The following SETD2 variants were observed in gnomAD, a reference collection of about 807,000 sequenced individuals.
The protein encoded by SETD2 is SET domain containing 2, histone lysine methyltransferase.
SETD2 carries 31 observed loss-of-function variants against 242.1 expected under a neutral mutation model. The ratio of observed to expected loss-of-function variants is 0.13; its 90% confidence interval spans 0.10 to 0.17. The LOEUF is 0.17. Ranked by LOEUF, SETD2 falls within the 10% of genes least tolerant of loss-of-function variation. The probability of loss-of-function intolerance (pLI) is 1.00; values close to 1 mark genes in which losing one functional copy is unlikely to be tolerated. For missense variants in SETD2, 2,481 were observed against 3,046.3 expected, an observed-to-expected ratio of 0.81 and a Z score of 4.37; for synonymous variants, 1,006 against 1,066.5, an observed-to-expected ratio of 0.94 and a Z score of 1.11.
intron 5 of SETD2, among the ~76,000 whole-genome samples, chr3:47,111,487 T>C (rs995627556): frequency 7.9e-5 from 12 of 152,070 alleles, no homozygotes; most frequent in African/African-American, 2.9e-4. Flanking sequence ...GGAGGATAAA[T>C]TGAGCCTGGG....
chr3:47,100,977 T>C (rs1226456949), intron 8 of SETD2, among the ~76,000 whole-genome samples: 1 of 123,348 alleles, frequency 8.1e-6, no homozygotes, highest in African/African-American at 3.2e-5. Flanking sequence ...GCCACTGCAC[T>C]CTAGCCTGGG....
chr3:47,041,609 G>A (rs1441090545), intron 17 of SETD2, among the ~76,000 whole-genome samples: 4 of 152,044 alleles, frequency 2.6e-5, no homozygotes, highest in Middle Eastern at 3.4e-3. Context: ...AACAATTTAC[G>A]TAAGATTATA....
intron 12 of SETD2, among the ~76,000 whole-genome samples, chr3:47,074,589 C>T (rs1273912407): frequency 6.6e-6 from 1 of 152,128 alleles, no homozygotes; most frequent in African/African-American, 2.4e-5. Context: ...CTTGGTCCCC[C>T]AACCACCTTC....
At chr3:47,152,127 C>T (rs2044000143) in intron 1 of SETD2, among the ~76,000 whole-genome samples, 1 of 152,072 alleles carries the variant, frequency 6.6e-6, no homozygotes, top group African/African-American at 2.4e-5. Context: ...GTTTTTGTTC[C>T]TCAATAGACA....
At chr3:47,106,509 A>AGGC (rs1186216220) in intron 5 of SETD2, among the ~76,000 whole-genome samples, 1 of 134,100 alleles carries the variant, frequency 7.5e-6, no homozygotes, top group East Asian at 2.6e-4. Context: ...AAAAAAAAAA[A>AGGC]AAAAAAAAAA....
chr3:47,045,924 G>A (rs991447623), intron 16 of SETD2, among the ~76,000 whole-genome samples: 1 of 150,636 alleles, frequency 6.6e-6, no homozygotes, highest in African/African-American at 2.4e-5. Context: ...TACAGGTGCG[G>A]AGCAAAATAT....
intron 18 of SETD2, among the ~76,000 whole-genome samples, chr3:47,035,721 T>C (rs1461416963): frequency 6.6e-6 from 1 of 152,222 alleles, no homozygotes; most frequent in African/African-American, 2.4e-5. Context: ...ACATGCTTTA[T>C]AAACTTGGCC....
At chr3:47,037,059 CTTTTTTTTTTTTTTTT>C (rs10536067) in intron 18 of SETD2, among the ~76,000 whole-genome samples, 1 of 71,732 alleles carries the variant, frequency 1.4e-5, no homozygotes, top group South Asian at 7.0e-4. Context: ...AAAGGCCATT[CTTTTTTTTTTTTTTTT>C]TTTTTTTTTT....
intron 1 of SETD2, among the ~76,000 whole-genome samples, chr3:47,148,942 C>T (rs533997775): frequency 1.3e-5 from 2 of 152,274 alleles, no homozygotes; most frequent in African/African-American, 2.4e-5. Flanking sequence ...GACAGAAAAA[C>T]GGGCAGATCT....
rs1170321784 is a variant in SETD2, at chr3:47,124,542, T to C, written c.94A>G (p.Ile32Val). The C allele has an allele frequency of 7.1e-6, 11 of 1,539,504 alleles. No homozygotes were observed. The highest frequency in any genetic ancestry group is 9.7e-6 in the Non-Finnish European group (11 of 1,139,794). ...TPEEEENEAK[I>V]ENVQKTGFIK... ...AAACCTGTTTTCTGCACATTTTCAA[T>C]CTTTGCCTACAAATGAACAAAATAA... Residue 32 changes from isoleucine to valine, a missense_variant, in exon 3 of 21, where the codon ATT becomes GTT. Physicochemically the swap from Ile to Val is conservative, Grantham distance 29 (BLOSUM62 3). Transcript: ENST00000409792.
chr3:47,114,147 C>G (rs1242332707), intron 4 of SETD2, 143 bp from the exon 5 acceptor site: 8 of 741,304 alleles, frequency 1.1e-5, no homozygotes, highest in Non-Finnish European at 1.5e-5. Flanking sequence ...CCAACTAAGT[C>G]TTCCTTTCCT....
At position 47,132,661 on chromosome 3, in the gene SETD2, T is replaced by C. The variant is rs528126199; in HGVS notation, c.72-5998A>G. 1.9e-4 allele frequency among the ~76,000 whole-genome samples: 16 copies of C among 85,564 alleles called. 1 individual carries two copies. In the East Asian group the frequency reaches 5.7e-3, roughly 30 times the overall value. The allele number at this position is 85,564 out of a possible 152,430, so 56.1% of individuals were successfully genotyped here. On this transcript the variant is annotated intron_variant, in intron 1 of 20. Transcript: ENST00000409792. Reference sequence around the variant, plus strand: ...GTCTCACTCCAGACCTTCTACTGAATTTCGTAACTACAAATCAGAAATAGC... The same window carrying C: ...GTCTCACTCCAGACCTTCTACTGAACTTCGTAACTACAAATCAGAAATAGC...
At chr3:47,156,602 T>C (rs1559771080) in intron 1 of SETD2, among the ~76,000 whole-genome samples, 2 of 152,198 alleles carry the variant, frequency 1.3e-5, no homozygotes, top group Non-Finnish European at 2.9e-5. Flanking sequence ...AGGCTTTCCA[T>C]ACTTACCAGC....
At position 47,017,546 on chromosome 3, in the gene SETD2, A is replaced by T; in HGVS notation, c.7533+92T>A. ...AGCTCTGACATCTGACAAGAAAAAA[A>T]AAAATACTTTCTATGATGAAAAGGG... On this transcript the variant is annotated intron_variant, in intron 20 of 20. Coordinates refer to ENST00000409792, the MANE Select transcript of SETD2 (RefSeq NM_014159.7). The surrounding 1 kb of genome is among the most constrained non-coding windows in gnomAD (Gnocchi z 4.8). 9.6e-7 allele frequency: 1 copy of T among 1,036,976 alleles called. No homozygotes were observed. The highest frequency in any genetic ancestry group is 1.6e-5 in the African/African-American group (1 of 62,508). 64.2% of individuals were successfully genotyped at this position (1,036,976 alleles called of 1,614,324 possible). A position where few individuals can be genotyped will look rare whatever the true frequency, so the allele number is the denominator to read the frequency against.
At chr3:47,037,887 A>G (rs2039090712) in intron 17 of SETD2, 110 bp from the exon 18 acceptor site, 4 of 770,558 alleles carry the variant, frequency 5.2e-6, no homozygotes, top group Admixed American at 2.1e-5. Context: ...AAGACATAGA[A>G]TAAGTCAGCT....
chr3:47,071,733 A>G (rs1217803817), intron 12 of SETD2, among the ~76,000 whole-genome samples: 2 of 152,164 alleles, frequency 1.3e-5, no homozygotes, highest in Non-Finnish European at 2.9e-5. Context: ...TCGAAATAGT[A>G]TGTTCCATAT....
rs2106705253 is a variant in SETD2, at chr3:47,123,498, A to G, written c.1138T>C (p.Tyr380His). 1 of 1,551,158 alleles carries G rather than the reference A, an allele frequency of 6.4e-7. No homozygotes were observed. The highest frequency in any genetic ancestry group is 1.2e-5 in the South Asian group (1 of 84,046). The stretch of plus-strand genomic sequence containing the variant: ...CGAGTATCTCTTTCAAGTTTTGAAT[A>G]GCTAAAATATTTATCATCTCTGTCT... Reference protein sequence around the residue: ...KTDRDDKYFSYSKLERDTRYV... With the variant: ...KTDRDDKYFSHSKLERDTRYV... The change falls in exon 3 of 21, where the codon TAT becomes CAT. Residue 380 changes from tyrosine to histidine, a missense_variant. Physicochemically the swap from Tyr to His is moderately conservative, Grantham distance 83. This residue lies in a region of SETD2 where 1,300 missense variants were observed against 1,259.2 expected (regional missense o/e 1.03). Transcript: ENST00000409792.
chr3:47,023,227 C>T (rs1437047849), intron 18 of SETD2, among the ~76,000 whole-genome samples: 1 of 151,896 alleles, frequency 6.6e-6, no homozygotes, highest in Non-Finnish European at 1.5e-5. Flanking sequence ...GGTGAAACCC[C>T]GTCTCTACTA....
rs2106694804 is a variant in SETD2 at position 47,123,075 on chromosome 3, T to C, written c.1561A>G (p.Thr521Ala). 1 of 1,613,604 alleles carries C rather than the reference T, an allele frequency of 6.2e-7. No individual in the cohort carries two copies. Among genetic ancestry groups the C allele is most frequent in the South Asian group, 1.1e-5 (1 of 91,026 alleles). Residue 521 changes from threonine to alanine, a missense_variant, in exon 3 of 21, where the codon ACT becomes GCT. Thr to Ala is a moderately conservative substitution (Grantham distance 58). Coordinates refer to ENST00000409792, the MANE Select transcript of SETD2 (RefSeq NM_014159.7). ...SSKLERESKR[T>A]SENEAIKRCC... ...CTTTTAATTGCTTCATTTTCTGAAGTCCTTTTAGATTCTCTTTCTAGTTTT... is the reference window on the plus strand; with the variant it reads ...CTTTTAATTGCTTCATTTTCTGAAGCCCTTTTAGATTCTCTTTCTAGTTTT...
Sources: gnomAD v4.1 joint callset for allele counts (sites outside exome capture counted in the v4.1 genomes callset) on GRCh38, gnomAD v4.1.1 for gene constraint, gnomAD v4.1.1 regional missense constraint, Gnocchi (gnomAD v3.1) non-coding constraint, MANE v1.5 for transcripts, NCBI Gene and HGNC (gene_info 2026-07-23, HGNC 2026-07-21) for gene names.